Variants in CACNA1E observed in about 807,000 individuals in gnomAD.
CACNA1E encodes the protein voltage-dependent R-type calcium channel subunit alpha-1E.
A neutral mutation model predicts 259.2 loss-of-function variants in CACNA1E; 40 were observed. That is an observed-to-expected ratio of 0.15 (90% CI 0.12 to 0.20). The LOEUF is 0.20. Among genes scored for constraint, CACNA1E ranks in the 10% least tolerant of loss-of-function variants. CACNA1E has a pLI of 1.00. For synonymous variants in CACNA1E, 1,104 were observed against 1,138.5 expected (o/e 0.97, Z 0.61); for missense variants, 1,874 against 3,040.1 (o/e 0.62, Z 9.02).
At chr1:181,425,712 A>G (rs1018720351) in intron 2 of CACNA1E, among the ~76,000 whole-genome samples, 6 of 152,054 alleles carry the variant, frequency 3.9e-5, no homozygotes, top group African/African-American at 1.2e-4. Flanking sequence ...CTCATACCCC[A>G]GCCACACTGT....
At chr1:181,712,684 T>C (rs925922247) in intron 8 of CACNA1E, among the ~76,000 whole-genome samples, 7 of 152,090 alleles carry the variant, frequency 4.6e-5, no homozygotes, top group African/African-American at 1.7e-4. Context: ...AAATATCCCC[T>C]ACCGCTTCCC....
chr1:181,429,049 G>C (rs1659518215), intron 2 of CACNA1E, among the ~76,000 whole-genome samples: 1 of 152,104 alleles, frequency 6.6e-6, no homozygotes, highest in Non-Finnish European at 1.5e-5. Context: ...GGGCATGGTG[G>C]CACACGCCTG....
At chr1:181,728,511 G>A (rs912487249) in intron 18 of CACNA1E, among the ~76,000 whole-genome samples, 1 of 152,124 alleles carries the variant, frequency 6.6e-6, no homozygotes, top group Non-Finnish European at 1.5e-5. Context: ...TGTGTGCCCC[G>A]CTCAGCTGTG....
chr1:181,739,424 C>T (rs986052444), intron 25 of CACNA1E, among the ~76,000 whole-genome samples, 171 bp downstream of exon 25: 1 of 152,166 alleles, frequency 6.6e-6, no homozygotes, highest in Admixed American at 6.5e-5. Flanking sequence ...CCTTGCAGCT[C>T]CAGCTCACGT....
intron 1 of CACNA1E, among the ~76,000 whole-genome samples, chr1:181,409,661 T>C (rs1166634940): frequency 6.6e-6 from 1 of 152,196 alleles, no homozygotes; most frequent in Non-Finnish European, 1.5e-5. Flanking sequence ...CTGGCTTGTC[T>C]GAATTGCTTG....
At chr1:181,631,468 C>T (rs939083309) in intron 6 of CACNA1E, among the ~76,000 whole-genome samples, 2 of 152,162 alleles carry the variant, frequency 1.3e-5, no homozygotes, top group African/African-American at 4.8e-5. Flanking sequence ...CCAGAGGTGT[C>T]CTCTCACAGT....
rs745342948 is a variant in CACNA1E, at chr1:181,772,169, C to T, written c.5077C>T (p.Arg1693Cys). 35 of 1,613,842 alleles carry T rather than the reference C, an allele frequency of 2.2e-5. No individual in the cohort carries two copies. The highest frequency in any genetic ancestry group is 2.6e-5 in the Non-Finnish European group (31 of 1,179,860). ...TAPSGQNENE[R>C]CGTDLAYVYF... ...ACCATCAGGGCAGAACGAGAACGAA[C>T]GCTGCGGCACCGATCTGGCCTACGT... Residue 1693 changes from arginine to cysteine, a missense_variant, in exon 37 of 48, where the codon CGC becomes TGC. Physicochemically the swap from Arg to Cys is radical, Grantham distance 180. This residue lies in a region of CACNA1E where 147 missense variants were observed against 337.1 expected (regional missense o/e 0.44). Transcript: ENST00000367573.
chr1:181,612,196 G>A (rs1400325972), intron 6 of CACNA1E, among the ~76,000 whole-genome samples: 2 of 152,204 alleles, frequency 1.3e-5, no homozygotes, highest in African/African-American at 4.8e-5. Flanking sequence ...CTGTAGGGAA[G>A]AGGGAGCTCC....
intron 17 of CACNA1E, among the ~76,000 whole-genome samples, 199 bp downstream of exon 17, chr1:181,724,736 A>C (rs1301255895): frequency 6.6e-6 from 1 of 152,208 alleles, no homozygotes. Flanking sequence ...GTGAGCCTCA[A>C]CCTAGCCCAG....
Position 181,700,311 on chromosome 1 carries a change from A to T in CACNA1E, c.1056-10643A>T, listed in dbSNP as rs533391833. On this transcript the variant is annotated intron_variant, in intron 7 of 47. Coordinates refer to ENST00000367573, the MANE Select transcript of CACNA1E (RefSeq NM_001205293.3). The stretch of plus-strand genomic sequence containing the variant: ...TCAGGACTGACCTGGAATTGAGCTA[A>T]CCTCAGTTGTTTTAGGTCAAGGCAC... Among the ~76,000 whole-genome samples the T allele has an allele frequency of 1.2e-4, 18 of 152,236 alleles. No individual in the cohort carries two copies. The South Asian group carries it at 3.5e-3, about 30-fold the overall frequency.
At chr1:181,669,366 C>T (rs939233254) in intron 7 of CACNA1E, among the ~76,000 whole-genome samples, 2 of 152,166 alleles carry the variant, frequency 1.3e-5, no homozygotes, top group African/African-American at 4.8e-5. Flanking sequence ...CCACACGGCT[C>T]ACTGTTCCCG....
At chr1:181,329,260 A>G (rs1309439777) in intron 1 of CACNA1E, among the ~76,000 whole-genome samples, 1 of 151,794 alleles carries the variant, frequency 6.6e-6, no homozygotes, top group Non-Finnish European at 1.5e-5. Context: ...AACCATCTTC[A>G]TCTCTCCCTT....
intron 2 of CACNA1E, among the ~76,000 whole-genome samples, chr1:181,473,082 A>G (rs1662615276): frequency 6.6e-6 from 1 of 152,238 alleles, no homozygotes; most frequent in South Asian, 2.1e-4. Context: ...CCTGAATGGT[A>G]GGAACAGTGC....
chr1:181,775,776 G>C (rs1015629350), intron 37 of CACNA1E, among the ~76,000 whole-genome samples: 4 of 152,196 alleles, frequency 2.6e-5, no homozygotes, highest in African/African-American at 9.7e-5. Context: ...GTATACAAAT[G>C]GTCTGTCTGG....
rs530312672 is a variant in CACNA1E, at chr1:181,444,318, A to T, written c.434+30738A>T. ...TAGGTGTCCTCCAAGGCTAAGGTGG[A>T]CTGTGCTATTAAAAAAAAAAAAAGA... On this transcript the variant is annotated intron_variant, in intron 2 of 11. Coordinates refer to the CACNA1E transcript ENST00000524607. 1.3e-4 allele frequency among the ~76,000 whole-genome samples: 19 copies of T among 145,506 alleles called. No individual in the cohort carries two copies. The South Asian group carries it at 4.2e-3, about 32-fold the overall frequency.
At chr1:181,368,636 G>A (rs1654461457) in intron 1 of CACNA1E, among the ~76,000 whole-genome samples, 2 of 152,092 alleles carry the variant, frequency 1.3e-5, no homozygotes, top group Admixed American at 1.3e-4. Flanking sequence ...TGGGGGGCAG[G>A]ACCAGGGAGG....
At chr1:181,592,679 T>C (rs2103029575) in intron 6 of CACNA1E, among the ~76,000 whole-genome samples, 1 of 152,246 alleles carries the variant, frequency 6.6e-6, no homozygotes, top group South Asian at 2.1e-4. Context: ...TGCTGGGGAC[T>C]TGGGAAGAGA....
intron 2 of CACNA1E, among the ~76,000 whole-genome samples, chr1:181,421,528 T>C (rs997238651): frequency 6.6e-6 from 1 of 152,232 alleles, no homozygotes; most frequent in Non-Finnish European, 1.5e-5. Flanking sequence ...CTGGCATCTC[T>C]GCACTGTTGT....
chr1:181,630,793 A>G (rs1189374772), intron 6 of CACNA1E, among the ~76,000 whole-genome samples: 1 of 152,188 alleles, frequency 6.6e-6, no homozygotes, highest in Non-Finnish European at 1.5e-5. Context: ...GAATGGTCCT[A>G]CAAGACTTTC....
Sources: allele counts gnomAD v4.1 joint callset (sites outside exome capture counted in the v4.1 genomes callset), GRCh38; gene constraint gnomAD v4.1.1; regional missense constraint gnomAD v4.1.1; transcripts MANE v1.5; gene names NCBI Gene and HGNC (gene_info 2026-07-23, HGNC 2026-07-21).